Variants in FMNL3 observed in about 807,000 individuals in gnomAD.
FMNL3 encodes the protein formin like 3.
FMNL3 carries 57 observed loss-of-function variants against 119.6 expected under a neutral mutation model. The ratio of observed to expected loss-of-function variants is 0.48; its 90% CI spans 0.39 to 0.59. The LOEUF (loss-of-function observed/expected upper bound fraction) is 0.59. Ranked by LOEUF, FMNL3 falls within the 20% of genes least tolerant of loss-of-function variation. FMNL3 has a pLI of 0.00. For synonymous variants in FMNL3, 491 were observed against 507.3 expected, an observed-to-expected ratio of 0.97 and a Z score of 0.43; for missense variants, 1,053 against 1,323.5, an observed-to-expected ratio of 0.80 and a Z score of 3.17.
At chr12:49,684,290 C>T (rs1251312731) in intron 1 of FMNL3, among the ~76,000 whole-genome samples, 1 of 152,208 alleles carries the variant, frequency 6.6e-6, no homozygotes, top group Admixed American at 6.5e-5. Flanking sequence ...CAGTTCACCA[C>T]CTCAGAGGCC....
chr12:49,692,016 C>T (rs1247292465), intron 1 of FMNL3, among the ~76,000 whole-genome samples: 2 of 121,236 alleles, frequency 1.6e-5, no homozygotes, highest in African/African-American at 3.3e-5. Context: ...GCCTGGCTGA[C>T]GTAGCAAGAC....
At position 49,643,167 on chromosome 12, in the gene FMNL3, G is replaced by A. The variant is rs201973529; in HGVS notation, c.*2648C>T. The A allele has an allele frequency of 1.0e-4, 164 of 1,602,490 alleles. No homozygotes were observed. The highest frequency in any genetic ancestry group is 1.3e-4 in the Non-Finnish European group (158 of 1,172,080). On this transcript the variant is annotated 3_prime_UTR_variant, in exon 26 of 26. Transcript: ENST00000335154. Reference sequence around the variant, plus strand: ...CCTCCTCTCTCGAATTCCCAGACGAGGGCTTCTGGAGGGCAGAGAACCTCT... The same window carrying A: ...CCTCCTCTCTCGAATTCCCAGACGAAGGCTTCTGGAGGGCAGAGAACCTCT...
chr12:49,651,154 C>G lies in FMNL3; in HGVS notation c.1797+14G>C. On this transcript the variant is annotated intron_variant, in intron 16 of 25. Transcript: ENST00000335154. The stretch of plus-strand genomic sequence containing the variant: ...GCCCTCAACCTTAGCCCTCTGGACC[C>G]CAGGCCCTGTTACCTCCAAGATCTT... 1 of 1,611,794 alleles carries G rather than the reference C, an allele frequency of 6.2e-7. No homozygotes were observed. Among genetic ancestry groups the G allele is most frequent in the Admixed American group, 1.7e-5 (1 of 59,998 alleles).
chr12:49,652,325 T>G, intron 13 of FMNL3, 113 bp from the exon 14 acceptor site: 2 of 1,443,104 alleles, frequency 1.4e-6, no homozygotes, highest in Non-Finnish European at 1.8e-6. Context: ...GTCAGGGTAC[T>G]CAGAGGCTCA....
Position 49,638,803 on chromosome 12 carries a change from G to A in FMNL3, c.*7012C>T. On this transcript the variant is annotated 3_prime_UTR_variant, in exon 26 of 26. Coordinates refer to ENST00000335154, the MANE Select transcript of FMNL3 (RefSeq NM_175736.5). ...ACCCTGTTTCCTCATCTAAAAAATG[G>A]TGAGTGTTCCACCAGAGTACACCTA... 1 of 152,192 alleles carries A rather than the reference G, an allele frequency of 6.6e-6. No homozygotes were observed. The highest frequency in any genetic ancestry group is 1.5e-5 in the Non-Finnish European group (1 of 68,036). 9.4% of individuals were successfully genotyped at this position (152,192 alleles called of 1,614,324 possible). A position where few individuals can be genotyped will look rare whatever the true frequency, so the allele number is the denominator to read the frequency against.
At position 49,646,957 on chromosome 12, in the gene FMNL3, C is replaced by T; in HGVS notation, c.2924G>A (p.Arg975Lys). 1.9e-6 allele frequency: 3 copies of T among 1,614,138 alleles called. No individual in the cohort carries two copies. The highest frequency in any genetic ancestry group is 2.5e-6 in the Non-Finnish European group (3 of 1,180,000). ...CCGGTGTTCCTTGGCCTGGCGCCGCCTCAACTCTGCTATTAACTCCTGCTG... is the reference window on the plus strand; with the variant it reads ...CCGGTGTTCCTTGGCCTGGCGCCGCTTCAACTCTGCTATTAACTCCTGCTG... The part of the protein sequence containing the change: ...WQQQELIAEL[R>K]RRQAKEHRPV... Residue 975 changes from arginine (R) to lysine (K), a missense_variant, in exon 25 of 26, where the codon AGG becomes AAG. Around this residue, in one of 4 missense-constraint regions of FMNL3, gnomAD observed 324 missense variants for 380.9 expected, o/e 0.85. Coordinates refer to ENST00000335154, the MANE Select transcript of FMNL3 (RefSeq NM_175736.5).
chr12:49,695,285 G>A (rs963939723), intron 1 of FMNL3, among the ~76,000 whole-genome samples: 31 of 151,902 alleles, frequency 2.0e-4, no homozygotes, highest in African/African-American at 7.5e-4. Flanking sequence ...TAGTGTTATC[G>A]GTTTTATTTG....
At position 49,643,838 on chromosome 12, in the gene FMNL3, A is replaced by G. The variant is rs763287654; in HGVS notation, c.*1977T>C. 1.2e-5 allele frequency: 20 copies of G among 1,614,148 alleles called. No individual in the cohort carries two copies. The highest frequency in any genetic ancestry group is 1.5e-5 in the Non-Finnish European group (18 of 1,180,002). On this transcript the variant is annotated 3_prime_UTR_variant, in exon 26 of 26. Transcript: ENST00000335154. Reference sequence around the variant, plus strand: ...CCCAGGCTATCCACAGGAACTGAGGAGGTGGGCTCTGGACTCTTACAGAAT... The same window carrying G: ...CCCAGGCTATCCACAGGAACTGAGGGGGTGGGCTCTGGACTCTTACAGAAT...
chr12:49,647,322 A>G lies in FMNL3; in HGVS notation c.2825T>C (p.Met942Thr). 1.9e-6 allele frequency: 3 copies of G among 1,613,640 alleles called. No homozygotes were observed. Among genetic ancestry groups the G allele is most frequent in the Non-Finnish European group, 2.5e-6 (3 of 1,179,936 alleles). Reference protein sequence around the residue: ...NEARKKQEEVMREKQLAQEAK... With the variant: ...NEARKKQEEVTREKQLAQEAK... ...TTCCTGAGCCAGCTGCTTCTCCCGC[A>G]TTACCTCCTCCTGCTTCTTGCGGGC... The change falls in exon 24 of 26, where the codon ATG becomes ACG. Residue 942 changes from methionine to threonine, a missense_variant. By Grantham distance (81) the Met-to-Thr change is moderately conservative. Transcript: ENST00000335154. The surrounding 1 kb of genome is among the most constrained non-coding windows in gnomAD (Gnocchi z 4.9).
At chr12:49,661,305 T>C (rs777097369) in intron 5 of FMNL3, among the ~76,000 whole-genome samples, 1 of 152,098 alleles carries the variant, frequency 6.6e-6, no homozygotes, top group Non-Finnish European at 1.5e-5. Flanking sequence ...TCTCCTTTCA[T>C]AGAAGAAGAC....
chr12:49,703,652 T>A (rs1027350561), intron 1 of FMNL3, among the ~76,000 whole-genome samples: 1 of 152,170 alleles, frequency 6.6e-6, no homozygotes, highest in Non-Finnish European at 1.5e-5. Context: ...CTGTGATCCA[T>A]CTGCAGCACA....
chr12:49,687,931 A>G (rs80285109), intron 1 of FMNL3, among the ~76,000 whole-genome samples: 3,384 of 152,304 alleles, frequency 0.022, 133 homozygotes, highest in African/African-American at 0.077. Flanking sequence ...CCCCAGAGCA[A>G]GTATTAAAGA....
chr12:49,671,106 G>A (rs57191490), intron 1 of FMNL3, among the ~76,000 whole-genome samples: 17,221 of 152,280 alleles, frequency 0.11, 1,117 homozygotes, highest in African/African-American at 0.18. Context: ...ATCACATCCT[G>A]TCTATGCCAA....
At position 49,636,943 on chromosome 12, in the gene FMNL3, GTTCT is replaced by G; in HGVS notation, c.*8868_*8871del. On this transcript the variant is annotated 3_prime_UTR_variant, in exon 26 of 26. Coordinates refer to ENST00000335154, the MANE Select transcript of FMNL3 (RefSeq NM_175736.5). The stretch of plus-strand genomic sequence containing the variant: ...CTGCCCCCTTCTGGATACGCTGCCT[GTTCT>G]TTCTGTGCCTAGCCCTGTCCAAGCT... The G allele has an allele frequency of 1.3e-6, 2 of 1,570,410 alleles. No individual in the cohort carries two copies. Among genetic ancestry groups the G allele is most frequent in the East Asian group, 2.2e-5 (1 of 44,498 alleles).
At position 49,648,338 on chromosome 12, in the gene FMNL3, A is replaced by G; in HGVS notation, c.2531T>C (p.Val844Ala). 6.2e-7 allele frequency: 1 copy of G among 1,612,642 alleles called. No homozygotes were observed. Among genetic ancestry groups the G allele is most frequent in the Non-Finnish European group, 8.5e-7 (1 of 1,179,088 alleles). ...EKAAAVSLEN[V>A]LLDVKELGRG... Reference sequence around the variant, plus strand: ...GCCCAGCTCCTTCACGTCCAGCAGCACGTTCTCCAGGGACACTGGTCACCA... The same window carrying G: ...GCCCAGCTCCTTCACGTCCAGCAGCGCGTTCTCCAGGGACACTGGTCACCA... The change falls in exon 22 of 26, where the codon GTG (valine) becomes GCG (alanine). Residue 844 changes from valine to alanine, a missense_variant. Coordinates refer to ENST00000335154, the MANE Select transcript of FMNL3 (RefSeq NM_175736.5).
intron 1 of FMNL3, among the ~76,000 whole-genome samples, chr12:49,675,115 C>T (rs1255789138): frequency 6.6e-6 from 1 of 152,184 alleles, no homozygotes; most frequent in African/African-American, 2.4e-5. Flanking sequence ...TGGCCTCATA[C>T]CTGACATGAG....
At chr12:49,667,237 T>C (rs1473790152) in intron 2 of FMNL3, among the ~76,000 whole-genome samples, 1 of 151,716 alleles carries the variant, frequency 6.6e-6, no homozygotes, top group African/African-American at 2.4e-5. Flanking sequence ...GAGAATGATA[T>C]AATGTTAGAG....
At position 49,636,803 on chromosome 12, in the gene FMNL3, G is replaced by A. The variant is rs202143759; in HGVS notation, c.*9012C>T. The A allele has an allele frequency of 3.8e-5, 61 of 1,614,220 alleles. No individual in the cohort carries two copies. The highest frequency in any genetic ancestry group is 2.2e-4 in the East Asian group (10 of 44,888). On this transcript the variant is annotated 3_prime_UTR_variant, in exon 26 of 26. Coordinates refer to ENST00000335154, the MANE Select transcript of FMNL3 (RefSeq NM_175736.5). ...GAGGAGGAGGAACGGGAGCGGGCCC[G>A]GCTTCGGGAGCGACGCCAACAACGC... is the stretch of plus-strand genomic sequence containing the variant.
In FMNL3 at chr12:49,645,832, C is replaced by A; in HGVS notation, c.3067G>T (p.Ala1023Ser). The A allele has an allele frequency of 6.2e-7, 1 of 1,600,308 alleles. No homozygotes were observed. Among genetic ancestry groups the A allele is most frequent in the Non-Finnish European group, 8.5e-7 (1 of 1,175,072 alleles). The change falls in exon 26 of 26, where the codon GCT becomes TCT. Residue 1023 changes from alanine (A) to serine (S), a missense_variant. Ala to Ser is a moderately conservative substitution (Grantham distance 99). Transcript: ENST00000335154. Reference protein sequence around the residue: ...SAAPPSGPPRAPGPH With the variant: ...SAAPPSGPPRSPGPH ...AGAGGGTCTCAGTGGGGGCCTGGAGCCCGAGGGGGACCACTGGGCGGTGCA... is the reference window on the plus strand; with the variant it reads ...AGAGGGTCTCAGTGGGGGCCTGGAGACCGAGGGGGACCACTGGGCGGTGCA...
Sources: gnomAD v4.1 joint callset for allele counts (sites outside exome capture counted in the v4.1 genomes callset) on GRCh38, gnomAD v4.1.1 for gene constraint, gnomAD v4.1.1 regional missense constraint, Gnocchi (gnomAD v3.1) non-coding constraint, MANE v1.5 for transcripts, NCBI Gene and HGNC (gene_info 2026-07-23, HGNC 2026-07-21) for gene names.